The following TCF4 variants were observed in gnomAD, a reference collection of about 807,000 sequenced individuals.
The protein encoded by TCF4 is SL3-3 enhancer factor 2.
TCF4 carries 3 observed loss-of-function variants against 82.1 expected under a neutral mutation model. That is an observed-to-expected ratio of 0.04 (90% confidence interval 0.02 to 0.09). The LOEUF is 0.09. Ranked by LOEUF, TCF4 falls within the 10% of genes least tolerant of loss-of-function variation. TCF4 has a pLI of 1.00. For missense variants in TCF4, 518 were observed against 852.7 expected (o/e 0.61, Z 4.89); for synonymous variants, 276 against 309.6 (o/e 0.89, Z 1.14).
chr18:55,300,318 G>C (rs1335347563), intron 8 of TCF4, among the ~76,000 whole-genome samples: 3 of 151,936 alleles, frequency 2.0e-5, no homozygotes, highest in African/African-American at 7.3e-5. Context: ...GAACAGAAGA[G>C]TGGACAATTT....
rs910058600 is a variant in TCF4 at position 55,422,325 on chromosome 18, C to T, written c.305-18807G>A. On this transcript the variant is annotated intron_variant, in intron 5 of 19. Transcript: ENST00000354452. ...CAGCCAGAGGACAGAACACAACATG[C>T]TGGGGCTTGGCTGTCCTAACATGTT... is the stretch of plus-strand genomic sequence containing the variant. 2.2e-5 allele frequency: 22 copies of T among 985,016 alleles called. No homozygotes were observed. The African/African-American group carries it at 3.5e-4, about 16-fold the overall frequency. The allele number at this position is 985,016 out of a possible 1,614,324, so 61.0% of individuals were successfully genotyped here.
At chr18:55,355,986 T>C (rs1382998657) in intron 6 of TCF4, among the ~76,000 whole-genome samples, 1 of 152,094 alleles carries the variant, frequency 6.6e-6, no homozygotes, top group Non-Finnish European at 1.5e-5. Flanking sequence ...ACAGACAATG[T>C]ATTTGGGGGT....
intron 3 of TCF4, among the ~76,000 whole-genome samples, chr18:55,481,896 G>T (rs1375861269): frequency 6.6e-6 from 1 of 152,196 alleles, no homozygotes; most frequent in African/African-American, 2.4e-5. Context: ...CACCAAGGTA[G>T]TCTATTCCAT....
At chr18:55,605,032 C>G (rs982899836) in intron 2 of TCF4, among the ~76,000 whole-genome samples, 3 of 152,132 alleles carry the variant, frequency 2.0e-5, no homozygotes, top group South Asian at 2.1e-4. Flanking sequence ...GCTGGAACAC[C>G]TCACTGGGGT....
At chr18:55,461,978 G>A (rs1228190018) in intron 4 of TCF4, among the ~76,000 whole-genome samples, 2 of 151,894 alleles carry the variant, frequency 1.3e-5, no homozygotes, top group Non-Finnish European at 2.9e-5. Flanking sequence ...GACCAAAAAG[G>A]GGGGAAAAAG....
intron 2 of TCF4, among the ~76,000 whole-genome samples, chr18:55,597,371 C>T (rs2097692086): frequency 6.6e-6 from 1 of 152,082 alleles, no homozygotes; most frequent in Non-Finnish European, 1.5e-5. Flanking sequence ...ATATTTCAAA[C>T]CCGAGAGCTG....
chr18:55,273,198 T>C (rs1042751069), intron 10 of TCF4, among the ~76,000 whole-genome samples: 1 of 152,182 alleles, frequency 6.6e-6, no homozygotes, highest in Non-Finnish European at 1.5e-5. Flanking sequence ...CATCAGTAAC[T>C]TGACAGTCGC....
chr18:55,568,087 G>A (rs1229190964), intron 3 of TCF4, among the ~76,000 whole-genome samples: 1 of 150,516 alleles, frequency 6.6e-6, no homozygotes, highest in Non-Finnish European at 1.5e-5. Flanking sequence ...GTCATCAGAG[G>A]GTATTATATT....
chr18:55,507,808 A>G (rs2096779781), intron 3 of TCF4, among the ~76,000 whole-genome samples: 1 of 152,088 alleles, frequency 6.6e-6, no homozygotes, highest in South Asian at 2.1e-4. Context: ...GTAATCTATC[A>G]AGTATTGATT....
At chr18:55,247,844 C>T (rs2053767197) in intron 15 of TCF4, among the ~76,000 whole-genome samples, 1 of 152,076 alleles carries the variant, frequency 6.6e-6, no homozygotes, top group Non-Finnish European at 1.5e-5. Flanking sequence ...GATTTGTGGG[C>T]AATTCTATTG....
chr18:55,310,837 A>G (rs959374335), intron 8 of TCF4, among the ~76,000 whole-genome samples: 9 of 152,210 alleles, frequency 5.9e-5, no homozygotes, highest in African/African-American at 1.9e-4. Flanking sequence ...TATGTCCTGT[A>G]GGGAAAAAAT....
chr18:55,546,209 C>T (rs887478701), intron 3 of TCF4, among the ~76,000 whole-genome samples: 7 of 151,958 alleles, frequency 4.6e-5, no homozygotes, highest in Admixed American at 3.3e-4. Flanking sequence ...CTTGGTGGCA[C>T]GGGCCTGTAG....
chr18:55,554,315 G>C (rs182413980), intron 3 of TCF4, among the ~76,000 whole-genome samples: 4 of 151,918 alleles, frequency 2.6e-5, no homozygotes, highest in Non-Finnish European at 5.9e-5. Context: ...TGAGAAAGCA[G>C]AAAAAATTTG....
At chr18:55,502,052 A>G (rs1568245588) in intron 3 of TCF4, among the ~76,000 whole-genome samples, 1 of 152,182 alleles carries the variant, frequency 6.6e-6, no homozygotes. Context: ...TCTCATATGA[A>G]TTTGCAATCC....
intron 3 of TCF4, among the ~76,000 whole-genome samples, chr18:55,486,667 C>A (rs531119185): frequency 6.6e-6 from 1 of 152,192 alleles, no homozygotes; most frequent in African/African-American, 2.4e-5. Context: ...GAAGTGAATT[C>A]CAAGGTGTGG....
At chr18:55,409,046 T>C (rs960609169) in intron 5 of TCF4, among the ~76,000 whole-genome samples, 3 of 152,098 alleles carry the variant, frequency 2.0e-5, no homozygotes, top group Admixed American at 1.3e-4. Context: ...ACTGCCACCA[T>C]CTCCGCACAT....
intron 3 of TCF4, among the ~76,000 whole-genome samples, chr18:55,557,652 T>G (rs2097316237): frequency 6.6e-6 from 1 of 152,108 alleles, no homozygotes; most frequent in Non-Finnish European, 1.5e-5. Flanking sequence ...GAAAATACAT[T>G]CACATGGTTC....
At chr18:55,316,115 ACT>A (rs1022512404) in intron 8 of TCF4, among the ~76,000 whole-genome samples, 4 of 152,048 alleles carry the variant, frequency 2.6e-5, no homozygotes, top group Non-Finnish European at 5.9e-5. Context: ...TTATTTTGTA[ACT>A]CTGATAATAT....
intron 3 of TCF4, among the ~76,000 whole-genome samples, chr18:55,570,914 T>C (rs1216283662): frequency 2.0e-5 from 3 of 148,622 alleles, no homozygotes; most frequent in Non-Finnish European, 4.5e-5. Flanking sequence ...AAAAAGACTA[T>C]AATGGGATAC....
Sources: allele counts gnomAD v4.1 joint callset (sites outside exome capture counted in the v4.1 genomes callset), GRCh38; gene constraint gnomAD v4.1.1; transcripts MANE v1.5; gene names NCBI Gene and HGNC (gene_info 2026-07-23, HGNC 2026-07-21).